The following METTL25 variants were observed in gnomAD, a reference collection of about 807,000 sequenced individuals.
METTL25 encodes the protein probable methyltransferase-like protein 25.
In METTL25, 64 loss-of-function variants were observed where a neutral mutation model predicts 71.6. That is an observed-to-expected ratio of 0.89 (90% CI 0.73 to 1.10). The LOEUF (loss-of-function observed/expected upper bound fraction) is 1.10, where lower values mean the gene tolerates loss of function less well. Among genes scored for constraint, METTL25 ranks in the 50% least tolerant of loss-of-function variants. The pLI is 0.00. For synonymous variants in METTL25, 287 were observed against 250.3 expected (o/e 1.15, Z -1.38); for missense variants, 807 against 707.0 (o/e 1.14, Z -1.60).
chr12:82,454,664 A>G (rs2137248113), intron 8 of METTL25, among the ~76,000 whole-genome samples: 1 of 152,110 alleles, frequency 6.6e-6, no homozygotes, highest in South Asian at 2.1e-4. Context: ...AAACAAGGCC[A>G]AATTAAAATT....
chr12:82,473,614 C>T (rs1892694556), intron 9 of METTL25, among the ~76,000 whole-genome samples: 1 of 152,144 alleles, frequency 6.6e-6, no homozygotes, highest in African/African-American at 2.4e-5. Context: ...CTTTGGGTAG[C>T]TCAGCGGGTG....
At chr12:82,476,790 T>C in intron 10 of METTL25, 72 bp downstream of exon 10, 1 of 949,820 alleles carries the variant, frequency 1.1e-6, no homozygotes. Context: ...TAAATTTTAT[T>C]ATGGGCTAAG....
chr12:82,433,035 T>C (rs1220366762), intron 6 of METTL25, among the ~76,000 whole-genome samples: 1 of 151,656 alleles, frequency 6.6e-6, no homozygotes, highest in East Asian at 1.9e-4. Flanking sequence ...ATGAAATGAA[T>C]GCTTGGTATG....
At chr12:82,374,392 G>C (rs1883590972) in intron 1 of METTL25, 2 of 152,206 alleles carry the variant, frequency 1.3e-5, no homozygotes. Flanking sequence ...AGCACTGATT[G>C]GTCCATTTTA....
intron 8 of METTL25, among the ~76,000 whole-genome samples, chr12:82,446,974 A>G (rs1009531305): frequency 6.6e-6 from 1 of 152,194 alleles, no homozygotes; most frequent in African/African-American, 2.4e-5. Flanking sequence ...TATAGTATTC[A>G]GCAAAAGAAA....
intron 6 of METTL25, 74 bp from the exon 7 acceptor site, chr12:82,434,621 C>A: frequency 8.1e-7 from 1 of 1,231,816 alleles, no homozygotes; most frequent in Non-Finnish European, 1.2e-6. Context: ...GTTTTACAAA[C>A]TCTTATACAG....
At chr12:82,369,447 A>C (rs1231178293) in intron 1 of METTL25, 4 of 450,752 alleles carry the variant, frequency 8.9e-6, no homozygotes, top group South Asian at 6.3e-5. Context: ...TGACTGTTAC[A>C]GCTCTTAAAG....
At chr12:82,422,347 G>A (rs891838316) in intron 5 of METTL25, among the ~76,000 whole-genome samples, 39 of 152,158 alleles carry the variant, frequency 2.6e-4, no homozygotes, top group African/African-American at 7.7e-4. Context: ...AAATTCAACA[G>A]CCCTTCATGC....
At chr12:82,402,858 C>G (rs1413399125) in intron 4 of METTL25, 125 bp from the exon 5 acceptor site, 3 of 623,346 alleles carry the variant, frequency 4.8e-6, no homozygotes, top group Non-Finnish European at 7.9e-6. Context: ...ATATTCGTGC[C>G]TGTGAATAGC....
chr12:82,400,499 C>T lies in METTL25; in HGVS notation c.1131+1105C>T, dbSNP rs535170455. ...TTGGATTTAAGGGAATCTAGTGTAC[C>T]TTCATTAATTCTTTTTCTTATACAT... is the stretch of plus-strand genomic sequence containing the variant. On this transcript the variant is annotated intron_variant, in intron 4 of 11. Transcript: ENST00000248306. Among the ~76,000 whole-genome samples, 7 of 151,692 alleles carry T rather than the reference C, an allele frequency of 4.6e-5. No homozygotes were observed. In the East Asian group the frequency reaches 1.2e-3, roughly 25 times the overall value.
chr12:82,467,140 A>C (rs1004967092), intron 9 of METTL25, among the ~76,000 whole-genome samples: 3 of 151,916 alleles, frequency 2.0e-5, no homozygotes, highest in African/African-American at 7.3e-5. Context: ...AAAAAAAAAA[A>C]ATCCATTCTG....
chr12:82,428,385 CT>C (rs139881328), intron 5 of METTL25, among the ~76,000 whole-genome samples: 2,852 of 151,934 alleles, frequency 0.019, 84 homozygotes, highest in African/African-American at 0.065. Context: ...TAGCACACCC[CT>C]GTCTCTCTAG....
chr12:82,373,936 T>C (rs780969347), intron 1 of METTL25: 4 of 152,610 alleles, frequency 2.6e-5, no homozygotes, highest in Admixed American at 1.3e-4. Flanking sequence ...TAGGACAGAA[T>C]AGCAAGCGAA....
chr12:82,380,636 C>T (rs887844931), intron 1 of METTL25, among the ~76,000 whole-genome samples: 1 of 152,138 alleles, frequency 6.6e-6, no homozygotes, highest in Admixed American at 6.5e-5. Flanking sequence ...GATAGACATT[C>T]TGAGAACCAG....
At chr12:82,359,389 C>T (rs551109944) in intron 1 of METTL25, among the ~76,000 whole-genome samples, 5 of 152,038 alleles carry the variant, frequency 3.3e-5, no homozygotes, top group Non-Finnish European at 7.4e-5. Flanking sequence ...AGGTGCAGGA[C>T]GGGAGGCAAG....
intron 9 of METTL25, chr12:82,468,518 T>C (rs540615608): frequency 6.5e-6 from 1 of 154,054 alleles, no homozygotes; most frequent in African/African-American, 2.4e-5. Context: ...TGTAGTTTTT[T>C]TAGGTACAAG....
chr12:82,476,520 G>A (rs1892889115), intron 9 of METTL25, 124 bp from the exon 10 acceptor site: 2 of 660,408 alleles, frequency 3.0e-6, no homozygotes, highest in South Asian at 1.9e-5. Context: ...TCCTTAGAGC[G>A]AGTTCTTCAG....
intron 7 of METTL25, among the ~76,000 whole-genome samples, chr12:82,437,784 T>C (rs1890024545): frequency 1.3e-5 from 2 of 151,676 alleles, no homozygotes; most frequent in Admixed American, 1.3e-4. Context: ...TTTTACCTTA[T>C]TTGACTTCTT....
intron 7 of METTL25, among the ~76,000 whole-genome samples, chr12:82,437,271 G>A (rs372256164): frequency 4.0e-5 from 6 of 151,656 alleles, no homozygotes; most frequent in Admixed American, 1.3e-4. Context: ...TTTAGTGTGG[G>A]CACTCAAACA....
Sources: gnomAD v4.1 joint callset for allele counts (sites outside exome capture counted in the v4.1 genomes callset) on GRCh38, gnomAD v4.1.1 for gene constraint, MANE v1.5 for transcripts, NCBI Gene and HGNC (gene_info 2026-07-23, HGNC 2026-07-21) for gene names.